Variants in OSBP observed in about 807,000 individuals in gnomAD.
The protein encoded by OSBP is oxysterol-binding protein 1.
Under a neutral mutation model 96.6 loss-of-function variants are expected in OSBP, and 32 were observed. That is an observed-to-expected ratio of 0.33 (90% CI 0.25 to 0.45). The LOEUF (loss-of-function observed/expected upper bound fraction) is 0.45. Among genes scored for constraint, OSBP ranks in the 20% least tolerant of loss-of-function variants. The probability of loss-of-function intolerance (pLI) is 1.00; values close to 1 mark genes in which losing one functional copy is unlikely to be tolerated. For missense variants in OSBP, 653 were observed against 1,029.7 expected, an observed-to-expected ratio of 0.63 and a Z score of 5.01; for synonymous variants, 369 against 389.6, an observed-to-expected ratio of 0.95 and a Z score of 0.62.
chr11:59,578,464 TATTAG>T, intron 11 of OSBP, 134 bp from the exon 12 acceptor site: 1 of 823,512 alleles, frequency 1.2e-6, no homozygotes, highest in Non-Finnish European at 1.9e-6. Context: ...TCCAAATTAT[TATTAG>T]AGATGGGATC....
At chr11:59,587,139 A>G (rs1009137177) in intron 9 of OSBP, among the ~76,000 whole-genome samples, 1 of 152,230 alleles carries the variant, frequency 6.6e-6, no homozygotes, top group Non-Finnish European at 1.5e-5. Context: ...TAAGGGATTA[A>G]TATCTAGAAT....
chr11:59,586,108 T>C (rs1312886092), intron 9 of OSBP, among the ~76,000 whole-genome samples: 1 of 151,006 alleles, frequency 6.6e-6, no homozygotes, highest in East Asian at 1.9e-4. Context: ...CCCTCCACTA[T>C]TGTCCTATGA....
rs1358442388 is a variant in OSBP at position 59,574,636 on chromosome 11, T to A, written c.*1941A>T. 6.7e-6 allele frequency: 1 copy of A among 149,178 alleles called. No individual in the cohort carries two copies. The highest frequency in any genetic ancestry group is 1.9e-4 in the East Asian group (1 of 5,186). The allele number at this position is 149,178 out of a possible 1,614,324, so 9.2% of individuals were successfully genotyped here. ...GAAGTCCAATTTAGTTGGGGAATTC[T>A]CACTCTATCCAAAGCCCCGGATGAG... On this transcript the variant is annotated 3_prime_UTR_variant, in exon 14 of 14. Coordinates refer to ENST00000263847, the MANE Select transcript of OSBP (RefSeq NM_002556.3).
At chr11:59,590,745 T>C (rs1268083370) in intron 9 of OSBP, among the ~76,000 whole-genome samples, 2 of 152,228 alleles carry the variant, frequency 1.3e-5, no homozygotes, top group African/African-American at 2.4e-5. Context: ...TCTTCAGCTA[T>C]ATCTACTGGC....
chr11:59,587,384 C>T (rs1171132294), intron 9 of OSBP, among the ~76,000 whole-genome samples: 2 of 151,938 alleles, frequency 1.3e-5, no homozygotes, highest in African/African-American at 4.8e-5. Context: ...GGCCTGTAAT[C>T]CCAGCTATTC....
chr11:59,602,909 T>C (rs140519191), intron 3 of OSBP, among the ~76,000 whole-genome samples: 45 of 152,338 alleles, frequency 3.0e-4, no homozygotes, highest in Middle Eastern at 6.8e-3. Context: ...CATGAGCCAC[T>C]GTGCCCAGTC....
chr11:59,600,803 C>T lies in OSBP; in HGVS notation c.1179+16G>A. 6.2e-7 allele frequency: 1 copy of T among 1,609,994 alleles called. No homozygotes were observed. Among genetic ancestry groups the T allele is most frequent in the Non-Finnish European group, 8.5e-7 (1 of 1,176,576 alleles). ...CCCACGTCCCTCACCTCTGAGATCTCCCATATAAGAATTACCTGTTCATCA... is the reference window on the plus strand; with the variant it reads ...CCCACGTCCCTCACCTCTGAGATCTTCCATATAAGAATTACCTGTTCATCA... On this transcript the variant is annotated intron_variant, in intron 6 of 13. Transcript: ENST00000263847.
chr11:59,580,814 C>G (rs1265243110), intron 10 of OSBP, among the ~76,000 whole-genome samples: 1 of 152,160 alleles, frequency 6.6e-6, no homozygotes, highest in Non-Finnish European at 1.5e-5. Flanking sequence ...CCAACATGCC[C>G]AGCCCATTTT....
intron 10 of OSBP, among the ~76,000 whole-genome samples, chr11:59,580,640 C>T (rs773998363): frequency 1.3e-5 from 2 of 152,036 alleles, no homozygotes; most frequent in Non-Finnish European, 2.9e-5. Flanking sequence ...TACATATGGT[C>T]GGCCTTTCTA....
At chr11:59,608,852 T>C in intron 2 of OSBP, 118 bp from the exon 3 acceptor site, 1 of 1,014,962 alleles carries the variant, frequency 9.9e-7, no homozygotes, top group Non-Finnish European at 1.5e-6. Context: ...TCTGACTCAC[T>C]GAAAACTTGC....
chr11:59,608,374 A>G, intron 3 of OSBP, 110 bp downstream of exon 3: 1 of 1,291,108 alleles, frequency 7.7e-7, no homozygotes, highest in Non-Finnish European at 1.1e-6. Flanking sequence ...CCAGTGAAGC[A>G]GGCCCTAATG....
At chr11:59,611,155 A>G (rs1367626541) in intron 1 of OSBP, among the ~76,000 whole-genome samples, 1 of 147,488 alleles carries the variant, frequency 6.8e-6, no homozygotes, top group Non-Finnish European at 1.5e-5. Context: ...AAAAAAAAAG[A>G]AAGAAAGAAA....
At chr11:59,579,065 C>T (rs537200267) in intron 11 of OSBP, among the ~76,000 whole-genome samples, 28 of 152,262 alleles carry the variant, frequency 1.8e-4, no homozygotes, top group African/African-American at 6.7e-4. Context: ...CCTCACTACC[C>T]TTCCCAGGGA....
chr11:59,603,153 CTGAT>C (rs1274205729), intron 3 of OSBP, among the ~76,000 whole-genome samples: 1 of 152,234 alleles, frequency 6.6e-6, no homozygotes, highest in African/African-American at 2.4e-5. Context: ...AGTATCGTGA[CTGAT>C]TTTCTATCTC....
intron 1 of OSBP, 99 bp from the exon 2 acceptor site, chr11:59,610,688 GAC>G (rs1860832444): frequency 2.1e-6 from 2 of 959,632 alleles, no homozygotes; most frequent in Middle Eastern, 2.3e-4. Flanking sequence ...CTGAAAATAT[GAC>G]AGTCTTAGGA....
At chr11:59,600,345 G>A (rs1223974851) in intron 7 of OSBP, 151 bp downstream of exon 7, 1 of 786,270 alleles carries the variant, frequency 1.3e-6, no homozygotes, top group Non-Finnish European at 2.0e-6. Flanking sequence ...AATTAAAGCA[G>A]CTAAATTTAT....
chr11:59,604,855 TA>T (rs750067072), intron 3 of OSBP, among the ~76,000 whole-genome samples: 12 of 119,220 alleles, frequency 1.0e-4, no homozygotes, highest in South Asian at 2.4e-4. Context: ...ACTCTGTCTC[TA>T]AAAAAAAAAG....
At chr11:59,585,333 G>A (rs1178704928) in intron 9 of OSBP, among the ~76,000 whole-genome samples, 26 of 150,290 alleles carry the variant, frequency 1.7e-4, no homozygotes, top group Non-Finnish European at 1.9e-4. Context: ...CCGCGACCCC[G>A]TCTGGGAGGT....
At chr11:59,577,370 T>C (rs1004351879) in intron 12 of OSBP, among the ~76,000 whole-genome samples, 1 of 151,962 alleles carries the variant, frequency 6.6e-6, no homozygotes, top group African/African-American at 2.4e-5. Flanking sequence ...TGGGATAATC[T>C]TGGCTATCAC....
Sources: allele counts gnomAD v4.1 joint callset (sites outside exome capture counted in the v4.1 genomes callset), GRCh38; gene constraint gnomAD v4.1.1; transcripts MANE v1.5; gene names NCBI Gene and HGNC (gene_info 2026-07-23, HGNC 2026-07-21).